The following SYNRG variants were observed in gnomAD, a reference collection of about 807,000 sequenced individuals.
SYNRG encodes the protein AP1 gamma subunit binding protein 1.
SYNRG carries 37 observed loss-of-function variants against 130.9 expected under a neutral mutation model. That is an observed-to-expected ratio of 0.28 (90% CI 0.22 to 0.37). The LOEUF is 0.37. Ranked by LOEUF, SYNRG falls within the 10% of genes least tolerant of loss-of-function variation. The probability of loss-of-function intolerance (pLI) is 1.00; values close to 1 mark genes in which losing one functional copy is unlikely to be tolerated. For missense variants in SYNRG, 1,338 were observed against 1,588.9 expected (o/e 0.84, Z 2.68); for synonymous variants, 539 against 568.1 (o/e 0.95, Z 0.73).
At position 37,520,668 on chromosome 17, in the gene SYNRG, A is replaced by G; in HGVS notation, c.3667-20T>C. On this transcript the variant is annotated intron_variant, in intron 19 of 21. Coordinates refer to ENST00000612223, the MANE Select transcript of SYNRG (RefSeq NM_007247.6). ...ATCTGGCTGTGAGGACGACAAGACA[A>G]ATGGGTAAGAAGTCCACAAGTCCAC... The G allele has an allele frequency of 6.2e-7, 1 of 1,602,850 alleles. No individual in the cohort carries two copies. The highest frequency in any genetic ancestry group is 8.5e-7 in the Non-Finnish European group (1 of 1,169,760).
intron 11 of SYNRG, among the ~76,000 whole-genome samples, chr17:37,566,290 A>G (rs1278114446): frequency 6.7e-6 from 1 of 150,248 alleles, no homozygotes; most frequent in Non-Finnish European, 1.5e-5. Flanking sequence ...TTCTGTACTA[A>G]GAAAAATTCT....
chr17:37,544,903 C>T (rs993445822), intron 14 of SYNRG, among the ~76,000 whole-genome samples: 18 of 152,092 alleles, frequency 1.2e-4, no homozygotes, highest in Non-Finnish European at 2.1e-4. Context: ...CTTCCAGAAT[C>T]TTTCCTATTA....
chr17:37,544,204 A>C (rs2058050471), intron 14 of SYNRG, among the ~76,000 whole-genome samples: 1 of 151,316 alleles, frequency 6.6e-6, no homozygotes, highest in South Asian at 2.2e-4. Context: ...AAAAGCAAAC[A>C]GCTTTCACAG....
At chr17:37,540,261 G>T in intron 16 of SYNRG, 119 bp downstream of exon 16, 1 of 1,204,212 alleles carries the variant, frequency 8.3e-7, no homozygotes, top group Non-Finnish European at 1.2e-6. Context: ...GTTTATGTCT[G>T]GTGCTTTGTG....
intron 19 of SYNRG, among the ~76,000 whole-genome samples, chr17:37,524,013 G>A (rs2055502082): frequency 6.6e-6 from 1 of 152,196 alleles, no homozygotes. Context: ...GTCGGGGCTC[G>A]AGACTGCACA....
intron 13 of SYNRG, among the ~76,000 whole-genome samples, chr17:37,557,579 T>G (rs2059212107): frequency 6.6e-6 from 1 of 152,214 alleles, no homozygotes; most frequent in Non-Finnish European, 1.5e-5. Context: ...GAACTTTGTT[T>G]AAAAAGTACT....
rs183841191 is a variant in SYNRG at position 37,597,290 on chromosome 17, A to C, written c.119-946T>G. 1.3e-4 allele frequency among the ~76,000 whole-genome samples: 20 copies of C among 152,326 alleles called. No homozygotes were observed. The East Asian group carries it at 3.3e-3, about 25-fold the overall frequency. ...TGGCTGACATCTTCACTGCAATCTC[A>C]TAAGAGGTCTTGAGCCTGAACCACC... On this transcript the variant is annotated intron_variant, in intron 2 of 21. Transcript: ENST00000612223.
At chr17:37,538,923 T>C (rs1017562841) in intron 17 of SYNRG, 1 of 639,114 alleles carries the variant, frequency 1.6e-6, no homozygotes, top group African/African-American at 2.0e-5. Flanking sequence ...AAATATTATT[T>C]TGATTTAGTC....
chr17:37,577,372 G>C lies in SYNRG; in HGVS notation c.823+8C>G. 6.2e-7 allele frequency: 1 copy of C among 1,612,994 alleles called. No homozygotes were observed. The highest frequency in any genetic ancestry group is 8.5e-7 in the Non-Finnish European group (1 of 1,179,046). ...ACAAGTTTTTTGCTGAATGCTTCAC[G>C]AGCTCACCACTCTCTTCAATTGACA... is the stretch of plus-strand genomic sequence containing the variant. On this transcript the variant is annotated splice_region_variant and intron_variant, in intron 7 of 21. Transcript: ENST00000612223.
chr17:37,554,036 A>T lies in SYNRG; in HGVS notation c.1687T>A (p.Ser563Thr). ...PLGESFAEFR[S>T]AGTDDGFTDF... The stretch of plus-strand genomic sequence containing the variant: ...GTGAAACCATCATCAGTTCCTGCAG[A>T]TCTGAATTCTGCAAAGCTTTCTCCT... Residue 563 changes from serine to threonine, a missense_variant, in exon 14 of 22, where the codon TCT (serine) becomes ACT (threonine). Around this residue, in one of 3 missense-constraint regions of SYNRG, gnomAD observed 1,146 missense variants for 1,342.3 expected, o/e 0.85. Transcript: ENST00000612223. 1 of 1,602,268 alleles carries T rather than the reference A, an allele frequency of 6.2e-7. No homozygotes were observed.
chr17:37,550,122 A>G (rs1220088342), intron 14 of SYNRG, among the ~76,000 whole-genome samples: 1 of 151,970 alleles, frequency 6.6e-6, no homozygotes, highest in Non-Finnish European at 1.5e-5. Context: ...CTTTTTCCCC[A>G]CCTTCCCCTT....
chr17:37,553,922 G>C lies in SYNRG; in HGVS notation c.1801C>G (p.Gln601Glu), dbSNP rs878991374. 1 of 1,611,392 alleles carries C rather than the reference G, an allele frequency of 6.2e-7. No individual in the cohort carries two copies. Among genetic ancestry groups the C allele is most frequent in the Non-Finnish European group, 8.5e-7 (1 of 1,179,486 alleles). ...FPPSFPSGTI[Q>E]QKQQTQVKNP... ...TTCACTTGTGTTTGTTGTTTCTGTTGTATAGTTCCTGAGGGGAAGGATGGT... is the reference window on the plus strand; with the variant it reads ...TTCACTTGTGTTTGTTGTTTCTGTTCTATAGTTCCTGAGGGGAAGGATGGT... Residue 601 changes from glutamine to glutamate, a missense_variant, in exon 14 of 22, where the codon CAA (glutamine) becomes GAA (glutamate). By Grantham distance (29) the Gln-to-Glu change is conservative. Coordinates refer to ENST00000612223, the MANE Select transcript of SYNRG (RefSeq NM_007247.6).
intron 18 of SYNRG, 62 bp from the exon 19 acceptor site, chr17:37,536,189 G>A: frequency 6.6e-7 from 1 of 1,524,694 alleles, no homozygotes; most frequent in Non-Finnish European, 8.8e-7. Flanking sequence ...ACCCAGACAG[G>A]GGAGCATTAT....
chr17:37,553,444 A>C lies in SYNRG; in HGVS notation c.2279T>G (p.Val760Gly). Residue 760 changes from valine to glycine, a missense_variant, in exon 14 of 22, where the codon GTT becomes GGT. Physicochemically the swap from Val to Gly is moderately radical, Grantham distance 109 (BLOSUM62 -3). This residue lies in a region of SYNRG where 1,146 missense variants were observed against 1,342.3 expected (regional missense o/e 0.85). Transcript: ENST00000612223. ...AGGAGTGTTATCTTTCAGGTCTTCA[A>C]CACCTAGTCCAGACCCTTCCAGAGA... ...QLSLEGSGLG[V>G]EDLKDNTPSG... The C allele has an allele frequency of 6.2e-7, 1 of 1,614,198 alleles. No homozygotes were observed. The highest frequency in any genetic ancestry group is 1.1e-5 in the South Asian group (1 of 91,072).
Position 37,570,861 on chromosome 17 carries a change from C to T in SYNRG, c.1123G>A (p.Asp375Asn). 6.2e-7 allele frequency: 1 copy of T among 1,614,064 alleles called. No individual in the cohort carries two copies. The highest frequency in any genetic ancestry group is 1.3e-5 in the African/African-American group (1 of 75,046). The change falls in exon 10 of 22, where the codon GAT becomes AAT. Residue 375 changes from aspartate (D) to asparagine (N), a missense_variant. Physicochemically the swap from Asp to Asn is conservative, Grantham distance 23. Transcript: ENST00000612223. ...GCTGCTGGGAACTGGTTTAAAGCATCAGGACTCATTGCAGGAACGCCCCTC... is the reference window on the plus strand; with the variant it reads ...GCTGCTGGGAACTGGTTTAAAGCATTAGGACTCATTGCAGGAACGCCCCTC... ...TQRGVPAMSP[D>N]ALNQFPAAPI...
chr17:37,591,161 A>C (rs1269374505), intron 3 of SYNRG, among the ~76,000 whole-genome samples: 1 of 152,202 alleles, frequency 6.6e-6, no homozygotes, highest in Non-Finnish European at 1.5e-5. Context: ...TAAACAATCA[A>C]TTGTATTTCT....
chr17:37,565,778 G>A (rs1347933428), intron 11 of SYNRG, among the ~76,000 whole-genome samples: 20 of 146,292 alleles, frequency 1.4e-4, no homozygotes, highest in South Asian at 4.5e-4. Context: ...CGGCCGCCCC[G>A]TCTGAGAAGT....
At chr17:37,523,467 A>G (rs867633915) in intron 19 of SYNRG, among the ~76,000 whole-genome samples, 23 of 152,326 alleles carry the variant, frequency 1.5e-4, no homozygotes, top group Middle Eastern at 3.4e-3. Flanking sequence ...GTCTTCATTT[A>G]ATTTTTAGTA....
At chr17:37,525,574 T>C (rs2055738061) in intron 19 of SYNRG, among the ~76,000 whole-genome samples, 2 of 152,330 alleles carry the variant, frequency 1.3e-5, no homozygotes, top group South Asian at 4.1e-4. Flanking sequence ...GGCTCACACC[T>C]GTAACCCCAG....
Sources: allele counts gnomAD v4.1 joint callset (sites outside exome capture counted in the v4.1 genomes callset), GRCh38; gene constraint gnomAD v4.1.1; regional missense constraint gnomAD v4.1.1; transcripts MANE v1.5; gene names NCBI Gene and HGNC (gene_info 2026-07-23, HGNC 2026-07-21).